HIPK2: variants seen among roughly 807,000 people sequenced by gnomAD.
HIPK2 encodes homeodomain-interacting protein kinase 2.
HIPK2 carries 27 observed loss-of-function variants against 113.7 expected under a neutral mutation model. That is an observed-to-expected ratio of 0.24 (90% CI 0.17 to 0.33). The LOEUF is 0.33. Ranked by LOEUF, HIPK2 falls within the 10% of genes least tolerant of loss-of-function variation. The probability of loss-of-function intolerance (pLI) is 1.00; values close to 1 mark genes in which losing one functional copy is unlikely to be tolerated. For synonymous variants in HIPK2, 631 were observed against 642.2 expected, an observed-to-expected ratio of 0.98 and a Z score of 0.26; for missense variants, 1,257 against 1,588.0, an observed-to-expected ratio of 0.79 and a Z score of 3.54.
At chr7:139,712,089 T>G (rs967657175) in intron 2 of HIPK2, among the ~76,000 whole-genome samples, 1 of 152,188 alleles carries the variant, frequency 6.6e-6, no homozygotes, top group African/African-American at 2.4e-5. Flanking sequence ...CAGTAAAGCC[T>G]GAGAACCTGG....
At chr7:139,662,949 T>C (rs370851432) in intron 2 of HIPK2, among the ~76,000 whole-genome samples, 11 of 152,204 alleles carry the variant, frequency 7.2e-5, no homozygotes, top group Admixed American at 6.5e-4. Context: ...GTTGCCCTGC[T>C]GTTCAGACAT....
intron 1 of HIPK2, among the ~76,000 whole-genome samples, chr7:139,776,846 G>A (rs376804036): frequency 6.6e-6 from 1 of 152,192 alleles, no homozygotes; most frequent in African/African-American, 2.4e-5. Context: ...GTGCGAGGCA[G>A]ACCTACTGCT....
At chr7:139,734,666 G>C (rs1039492081) in intron 1 of HIPK2, among the ~76,000 whole-genome samples, 2 of 152,218 alleles carry the variant, frequency 1.3e-5, no homozygotes, top group African/African-American at 4.8e-5. Context: ...GGCACATTCT[G>C]TACTCTCTTT....
chr7:139,611,172 G>A (rs1343635235), intron 9 of HIPK2, among the ~76,000 whole-genome samples: 2 of 152,180 alleles, frequency 1.3e-5, no homozygotes, highest in African/African-American at 2.4e-5. Flanking sequence ...AAACCCACTC[G>A]TGTGGGTAAC....
chr7:139,642,366 G>A (rs1239261009), intron 2 of HIPK2, among the ~76,000 whole-genome samples: 1 of 152,238 alleles, frequency 6.6e-6, no homozygotes, highest in African/African-American at 2.4e-5. Context: ...GAAGAGCAGG[G>A]AGGAGGAGGA....
At chr7:139,712,163 C>A (rs897842710) in intron 2 of HIPK2, among the ~76,000 whole-genome samples, 1 of 152,192 alleles carries the variant, frequency 6.6e-6, no homozygotes, top group Non-Finnish European at 1.5e-5. Flanking sequence ...GCTTCAGACT[C>A]GAGAAAAAAA....
At chr7:139,772,052 C>CA (rs1796661282) in intron 1 of HIPK2, among the ~76,000 whole-genome samples, 1 of 152,318 alleles carries the variant, frequency 6.6e-6, no homozygotes, top group African/African-American at 2.4e-5. Flanking sequence ...AAGTCACAGA[C>CA]ATTCACCTTC....
Position 139,683,763 on chromosome 7 carries a change from T to C in HIPK2, c.1103+32169A>G, listed in dbSNP as rs535645443. On this transcript the variant is annotated intron_variant, in intron 2 of 14. Coordinates refer to ENST00000406875, the MANE Select transcript of HIPK2 (RefSeq NM_022740.5). The surrounding 1 kb of genome is among the most constrained non-coding windows in gnomAD (Gnocchi z 4.2). ...TGGCTATGTCCTTTCCAGAGTAAAA[T>C]AGATAGATTCATTATTCTGTATTAC... Among the ~76,000 whole-genome samples the C allele has an allele frequency of 1.1e-4, 16 of 152,194 alleles. No homozygotes were observed. The highest frequency in any genetic ancestry group is 2.9e-4 in the African/African-American group (12 of 41,516).
At chr7:139,712,982 A>T (rs1275428873) in intron 2 of HIPK2, among the ~76,000 whole-genome samples, 1 of 152,202 alleles carries the variant, frequency 6.6e-6, no homozygotes, top group Non-Finnish European at 1.5e-5. Flanking sequence ...AGGGCTGGGC[A>T]CAGGGAGGCT....
At chr7:139,684,959 A>G (rs1192866182) in intron 2 of HIPK2, among the ~76,000 whole-genome samples, 1 of 152,094 alleles carries the variant, frequency 6.6e-6, no homozygotes, top group Non-Finnish European at 1.5e-5. Flanking sequence ...CAAATCCCTA[A>G]CTCTTCAATT....
intron 1 of HIPK2, among the ~76,000 whole-genome samples, chr7:139,738,705 T>C (rs1005856577): frequency 2.0e-5 from 3 of 152,172 alleles, no homozygotes; most frequent in Admixed American, 1.3e-4. Context: ...ATATGGGGTA[T>C]AGGGGAGGGG....
At chr7:139,652,572 ATCTC>A (rs1289655155) in intron 2 of HIPK2, among the ~76,000 whole-genome samples, 1 of 152,238 alleles carries the variant, frequency 6.6e-6, no homozygotes, top group Non-Finnish European at 1.5e-5. Flanking sequence ...AGAGGGAGCA[ATCTC>A]TCTCATTCAA....
intron 9 of HIPK2, among the ~76,000 whole-genome samples, chr7:139,604,632 C>T (rs569045610): frequency 2.8e-5 from 4 of 142,400 alleles, no homozygotes; most frequent in Admixed American, 7.7e-5. Flanking sequence ...AGAAGTGAGC[C>T]GAGATGGCGC....
rs990930864 is a variant in HIPK2 at position 139,683,549 on chromosome 7, A to G, written c.1103+32383T>C. Among the ~76,000 whole-genome samples, 2 of 152,196 alleles carry G rather than the reference A, an allele frequency of 1.3e-5. No homozygotes were observed. The highest frequency in any genetic ancestry group is 2.9e-5 in the Non-Finnish European group (2 of 68,028). ...AGACAGAAGCTGCAGAACCTCTCAGAATCTAATCTTGGAAGTGAAACACCG... is the reference window on the plus strand; with the variant it reads ...AGACAGAAGCTGCAGAACCTCTCAGGATCTAATCTTGGAAGTGAAACACCG... On this transcript the variant is annotated intron_variant, in intron 2 of 14. Transcript: ENST00000406875. This position sits in a 1 kb window ranked among gnomAD's most constrained non-coding sequence, Gnocchi z 4.2.
At chr7:139,620,727 C>T (rs1266967705) in intron 6 of HIPK2, 164 bp from the exon 7 acceptor site, 1 of 415,152 alleles carries the variant, frequency 2.4e-6, no homozygotes, top group Non-Finnish European at 3.2e-6. Context: ...ATTGCTTGTG[C>T]AAAGCCTGTG....
chr7:139,599,474 T>G (rs1425769724), intron 11 of HIPK2, among the ~76,000 whole-genome samples: 1 of 152,212 alleles, frequency 6.6e-6, no homozygotes, highest in African/African-American at 2.4e-5. Context: ...GCCATATAGA[T>G]GGAATCATAC....
chr7:139,604,461 C>A (rs1799547909), intron 9 of HIPK2, among the ~76,000 whole-genome samples: 1 of 152,018 alleles, frequency 6.6e-6, no homozygotes, highest in African/African-American at 2.4e-5. Flanking sequence ...GAGAGCGGAT[C>A]ACGAGGTCAG....
chr7:139,663,219 A>G (rs766506050), intron 2 of HIPK2, among the ~76,000 whole-genome samples: 2 of 152,152 alleles, frequency 1.3e-5, no homozygotes, highest in African/African-American at 4.8e-5. Flanking sequence ...TCTGGTCTCC[A>G]CTGACCTTCA....
chr7:139,624,794 A>G (rs1197473978), intron 6 of HIPK2, among the ~76,000 whole-genome samples: 1 of 152,190 alleles, frequency 6.6e-6, no homozygotes, highest in East Asian at 1.9e-4. Context: ...CAGCCTGGCA[A>G]AAATTCCACC....
Sources: gnomAD v4.1 joint callset for allele counts (sites outside exome capture counted in the v4.1 genomes callset) on GRCh38, gnomAD v4.1.1 for gene constraint, Gnocchi (gnomAD v3.1) non-coding constraint, MANE v1.5 for transcripts, NCBI Gene and HGNC (gene_info 2026-07-23, HGNC 2026-07-21) for gene names.